PDE8B: variants seen among roughly 807,000 people sequenced by gnomAD.
PDE8B encodes the protein phosphodiesterase 8B, also known as high affinity cAMP-specific and IBMX-insensitive 3',5'-cyclic phosphodiesterase 8B.
Under a neutral mutation model 101.3 loss-of-function variants are expected in PDE8B, and 26 were observed. That is an observed-to-expected ratio of 0.26 (90% CI 0.19 to 0.36). The LOEUF is 0.36. Ranked by LOEUF, PDE8B falls within the 10% of genes least tolerant of loss-of-function variation. PDE8B has a pLI of 1.00. For missense variants in PDE8B, 810 were observed against 1,163.1 expected (o/e 0.70, Z 4.42); for synonymous variants, 424 against 429.3 (o/e 0.99, Z 0.15).
intron 21 of PDE8B, chr5:77,426,176 T>G: frequency 1.7e-6 from 1 of 589,320 alleles, no homozygotes; most frequent in Non-Finnish European, 3.0e-6. Context: ...TGTTTTTCTG[T>G]CGTTGGAGGA....
the PDE8B span, among the ~76,000 whole-genome samples, chr5:77,133,351 A>G: frequency 6.6e-6 from 1 of 152,216 alleles, no homozygotes; most frequent in Non-Finnish European, 1.5e-5. Flanking sequence ...CCCAGCTTGG[A>G]TCTGCCAACA....
chr5:77,185,646 A>G, the PDE8B span, among the ~76,000 whole-genome samples: 1 of 152,136 alleles, frequency 6.6e-6, no homozygotes, highest in African/African-American at 2.4e-5. Flanking sequence ...TGCTGTTTTC[A>G]TTGGAGGGGG....
intron 10 of PDE8B, among the ~76,000 whole-genome samples, chr5:77,365,690 G>A (rs1227172619): frequency 1.3e-5 from 2 of 152,236 alleles, no homozygotes; most frequent in African/African-American, 4.8e-5. Flanking sequence ...GGGCCAGGGA[G>A]CTTGGAGCAT....
chr5:77,169,365 A>T, the PDE8B span, among the ~76,000 whole-genome samples: 1 of 152,212 alleles, frequency 6.6e-6, no homozygotes, highest in South Asian at 2.1e-4. Flanking sequence ...TTTAACGTAC[A>T]TCACAATCAC....
chr5:77,199,334 T>C, the PDE8B span, among the ~76,000 whole-genome samples: 6 of 152,338 alleles, frequency 3.9e-5, no homozygotes, highest in East Asian at 1.2e-3. Flanking sequence ...TATAAATGTA[T>C]ATACTTCTCT....
At chr5:77,402,491 A>T (rs780482656) in intron 11 of PDE8B, among the ~76,000 whole-genome samples, 3 of 152,182 alleles carry the variant, frequency 2.0e-5, no homozygotes, top group Non-Finnish European at 4.4e-5. Context: ...TTTTAGTTGA[A>T]TCAGGTTTTT....
chr5:77,368,073 C>T (rs932740490), intron 10 of PDE8B, among the ~76,000 whole-genome samples: 2 of 152,154 alleles, frequency 1.3e-5, no homozygotes, highest in Admixed American at 6.5e-5. Flanking sequence ...CTGGAGAAGT[C>T]TTAACCCTTG....
In PDE8B at chr5:77,299,234, A is replaced by G. The variant is rs148929256; in HGVS notation, c.340-12760A>G. On this transcript the variant is annotated intron_variant, in intron 1 of 21. Transcript: ENST00000264917. Reference sequence around the variant, plus strand: ...ATTACAGCAAGATTGGGAACATGAGAGTTGTTTTTTTGTTTGTTTGTTTGT... The same window carrying G: ...ATTACAGCAAGATTGGGAACATGAGGGTTGTTTTTTTGTTTGTTTGTTTGT... Among the ~76,000 whole-genome samples, 516 of 143,782 alleles carry G rather than the reference A, an allele frequency of 3.6e-3. 1 individual carries two copies. Among genetic ancestry groups the G allele is most frequent in the African/African-American group, 0.013 (501 of 37,618 alleles). The allele number at this position is 143,782 out of a possible 152,430, so 94.3% of individuals were successfully genotyped here.
chr5:77,266,461 G>A (rs1761734206), intron 1 of PDE8B, among the ~76,000 whole-genome samples: 1 of 152,198 alleles, frequency 6.6e-6, no homozygotes, highest in African/African-American at 2.4e-5. Flanking sequence ...GGGAAAGAAG[G>A]CTGTGATGTG....
chr5:77,195,105 T>C, the PDE8B span, among the ~76,000 whole-genome samples: 2 of 152,210 alleles, frequency 1.3e-5, no homozygotes, highest in South Asian at 4.1e-4. Context: ...ATTTATTTTC[T>C]CTCAGTTCAG....
the PDE8B span, chr5:77,142,316 G>A: frequency 6.6e-6 from 1 of 152,114 alleles, no homozygotes; most frequent in Non-Finnish European, 1.5e-5. Context: ...ACTTTATTGA[G>A]TATAATTGAT....
At chr5:77,290,306 G>T in intron 1 of PDE8B, 1 of 1,543,372 alleles carries the variant, frequency 6.5e-7, no homozygotes, top group Non-Finnish European at 8.9e-7. Context: ...AGTATGCATG[G>T]CTGAAAGAGG....
At chr5:77,255,252 C>T (rs1758867876) in intron 1 of PDE8B, among the ~76,000 whole-genome samples, 1 of 152,022 alleles carries the variant, frequency 6.6e-6, no homozygotes, top group African/African-American at 2.4e-5. Flanking sequence ...GGAAAGGTTT[C>T]TGCTGCTTTC....
At chr5:77,325,990 C>A (rs769235582) in intron 3 of PDE8B, among the ~76,000 whole-genome samples, 1 of 152,124 alleles carries the variant, frequency 6.6e-6, no homozygotes, top group Non-Finnish European at 1.5e-5. Flanking sequence ...GTATTCCCCC[C>A]ACCCTGTGTA....
chr5:77,247,675 A>G (rs879550284), intron 1 of PDE8B, among the ~76,000 whole-genome samples: 1 of 152,092 alleles, frequency 6.6e-6, no homozygotes, highest in Non-Finnish European at 1.5e-5. Flanking sequence ...TACAGTGGGG[A>G]GGTCACCACA....
intron 10 of PDE8B, among the ~76,000 whole-genome samples, chr5:77,363,076 A>G (rs957501130): frequency 6.6e-6 from 1 of 152,142 alleles, no homozygotes; most frequent in Non-Finnish European, 1.5e-5. Flanking sequence ...TCCAAGTAAG[A>G]TGTCTTTCGT....
chr5:77,138,780 C>T, the PDE8B span, among the ~76,000 whole-genome samples: 1 of 152,118 alleles, frequency 6.6e-6, no homozygotes, highest in African/African-American at 2.4e-5. Context: ...CGATCTAAAA[C>T]ACTATGTAAA....
chr5:77,417,958 T>G (rs1217282951), intron 17 of PDE8B, among the ~76,000 whole-genome samples: 1 of 151,896 alleles, frequency 6.6e-6, no homozygotes, highest in Non-Finnish European at 1.5e-5. Flanking sequence ...AAAGGCTTGT[T>G]TGGCCTCTTC....
the PDE8B span, among the ~76,000 whole-genome samples, chr5:77,190,687 T>TA: frequency 1.3e-5 from 2 of 152,196 alleles, no homozygotes; most frequent in Non-Finnish European, 2.9e-5. Context: ...TTTTTAGACC[T>TA]AAAAGTTGTG....
Sources: allele counts gnomAD v4.1 joint callset (sites outside exome capture counted in the v4.1 genomes callset), GRCh38; gene constraint gnomAD v4.1.1; transcripts MANE v1.5; gene names NCBI Gene and HGNC (gene_info 2026-07-23, HGNC 2026-07-21).